NID1: variants seen among roughly 807,000 people sequenced by gnomAD.
The protein encoded by NID1 is nidogen 1, also known as nidogen-1.
NID1 carries 76 observed loss-of-function variants against 130.6 expected under a neutral mutation model. That is an observed-to-expected ratio of 0.58 (90% CI 0.48 to 0.70). The LOEUF (loss-of-function observed/expected upper bound fraction) is 0.70, where lower values mean the gene tolerates loss of function less well. NID1 is among the 30% of genes least tolerant of loss of function. The pLI is 0.00. For synonymous variants in NID1, 665 were observed against 675.1 expected (o/e 0.98, Z 0.23); for missense variants, 1,517 against 1,664.8 (o/e 0.91, Z 1.54).
intron 1 of NID1, among the ~76,000 whole-genome samples, chr1:236,057,937 G>A (rs1659941580): frequency 6.6e-6 from 1 of 152,002 alleles, no homozygotes; most frequent in African/African-American, 2.4e-5. Context: ...TTTGCAATTG[G>A]CATCTTGACC....
At chr1:236,002,623 C>T (rs1658110598) in intron 12 of NID1, among the ~76,000 whole-genome samples, 1 of 152,190 alleles carries the variant, frequency 6.6e-6, no homozygotes, top group Non-Finnish European at 1.5e-5. Flanking sequence ...AAGAGCTTTG[C>T]AGGCTGAGAG....
intron 7 of NID1, 33 bp from the exon 8 acceptor site, chr1:236,026,174 A>G (rs1658924920): frequency 4.4e-6 from 7 of 1,607,030 alleles, no homozygotes; most frequent in Non-Finnish European, 6.0e-6. Flanking sequence ...GGGACAAGGC[A>G]GGGAGACAGA....
intron 11 of NID1, among the ~76,000 whole-genome samples, chr1:236,012,727 C>A (rs1658468873): frequency 6.6e-6 from 1 of 152,106 alleles, no homozygotes; most frequent in African/African-American, 2.4e-5. Flanking sequence ...AGGCAGAAAA[C>A]CCTCAGTGAA....
chr1:235,993,689 C>A lies in NID1; in HGVS notation c.2711G>T (p.Arg904Leu). ...CCTGGTCCTGGTGCCCTCCACCTCG[C>A]GGCCGTCGCGATCCACGCACCAGCA... Reference protein sequence around the residue: ...GYCWCVDRDGREVEGTRTRPG... With the variant: ...GYCWCVDRDGLEVEGTRTRPG... Residue 904 changes from arginine (R) to leucine (L), a missense_variant, in exon 13 of 20, where the codon CGC (arginine) becomes CTC (leucine). Arg to Leu is a moderately radical substitution (Grantham distance 102). Around this residue, in one of 3 missense-constraint regions of NID1, gnomAD observed 1,329 missense variants for 1,429.2 expected, o/e 0.93. Coordinates refer to ENST00000264187, the MANE Select transcript of NID1 (RefSeq NM_002508.3). 1 of 1,590,218 alleles carries A rather than the reference C, an allele frequency of 6.3e-7. No homozygotes were observed.
At chr1:235,988,835 G>A (rs910988467) in intron 14 of NID1, among the ~76,000 whole-genome samples, 2 of 152,214 alleles carry the variant, frequency 1.3e-5, no homozygotes, top group Non-Finnish European at 2.9e-5. Flanking sequence ...AGGGCAGTAA[G>A]TAGAATCGTG....
intron 8 of NID1, 98 bp downstream of exon 8, chr1:236,025,798 T>C (rs1332090498): frequency 9.6e-6 from 14 of 1,459,006 alleles, no homozygotes; most frequent in Non-Finnish European, 1.2e-5. Flanking sequence ...CATAATTTTC[T>C]TCTACAGACT....
intron 1 of NID1, among the ~76,000 whole-genome samples, chr1:236,063,151 C>T (rs1330717001): frequency 1.3e-4 from 9 of 68,344 alleles, no homozygotes; most frequent in African/African-American, 9.3e-4. Flanking sequence ...GAGACTTCAT[C>T]TCAAAAAAAA....
intron 1 of NID1, among the ~76,000 whole-genome samples, chr1:236,052,355 G>C (rs1388166217): frequency 6.6e-6 from 1 of 152,182 alleles, no homozygotes; most frequent in African/African-American, 2.4e-5. Flanking sequence ...CAGGCACTCA[G>C]GCAGGAGGAG....
rs1047125368 is a variant in NID1, at chr1:235,979,697, C to A, written c.3509+125G>T. The A allele has an allele frequency of 3.9e-6, 4 of 1,035,990 alleles. No homozygotes were observed. In the East Asian group the frequency reaches 7.6e-5, roughly 20 times the overall value. The allele number at this position is 1,035,990 out of a possible 1,614,324, so 64.2% of individuals were successfully genotyped here. ...GAAGGATAAGGGAGAGGGGACATCT[C>A]TAGAGGGGGCATTTCTGGAGGCTCA... On this transcript the variant is annotated intron_variant, in intron 18 of 19. Transcript: ENST00000264187. The surrounding 1 kb of genome is among the most constrained non-coding windows in gnomAD (Gnocchi z 4.6).
chr1:236,058,421 A>G (rs1659950049), intron 1 of NID1, among the ~76,000 whole-genome samples: 1 of 152,150 alleles, frequency 6.6e-6, no homozygotes, highest in African/African-American at 2.4e-5. Flanking sequence ...ATTAGATCAC[A>G]AAAAAACCCA....
At chr1:236,005,608 C>A (rs1658226122) in intron 12 of NID1, among the ~76,000 whole-genome samples, 1 of 152,122 alleles carries the variant, frequency 6.6e-6, no homozygotes. Context: ...TTTAGTATTA[C>A]CCCTTCCACT....
At chr1:236,031,110 C>CT (rs1180896878) in intron 6 of NID1, among the ~76,000 whole-genome samples, 2 of 151,036 alleles carry the variant, frequency 1.3e-5, no homozygotes, top group African/African-American at 2.4e-5. Flanking sequence ...CAATCCTTTT[C>CT]TTTTTTTCTT....
At chr1:236,013,262 A>C in intron 11 of NID1, 149 bp downstream of exon 11, 2 of 808,128 alleles carry the variant, frequency 2.5e-6, no homozygotes, top group East Asian at 5.1e-5. Flanking sequence ...ACTACTAGAG[A>C]GATATAAAAA....
At chr1:236,029,441 C>T (rs1659031999) in intron 7 of NID1, 109 bp downstream of exon 7, 10 of 1,041,440 alleles carry the variant, frequency 9.6e-6, no homozygotes, top group Non-Finnish European at 9.9e-6. Flanking sequence ...CGGTGTATTT[C>T]CCTCTCCAGA....
At chr1:236,024,356 G>A (rs1179609390) in intron 8 of NID1, 143 bp from the exon 9 acceptor site, 1 of 977,024 alleles carries the variant, frequency 1.0e-6, no homozygotes, top group Non-Finnish European at 1.5e-6. Context: ...GCCAATTCCT[G>A]TGTTGCCCTG....
At chr1:236,039,592 G>A (rs1208668454) in intron 4 of NID1, among the ~76,000 whole-genome samples, 2 of 152,048 alleles carry the variant, frequency 1.3e-5, no homozygotes, top group Non-Finnish European at 2.9e-5. Context: ...TCATGAACTA[G>A]CTCATTATAT....
At chr1:235,986,944 G>A (rs1204685723) in intron 14 of NID1, among the ~76,000 whole-genome samples, 1 of 152,150 alleles carries the variant, frequency 6.6e-6, no homozygotes, top group Non-Finnish European at 1.5e-5. Context: ...GGCCCTCCAT[G>A]GCTTTAAGGA....
intron 2 of NID1, among the ~76,000 whole-genome samples, chr1:236,048,273 T>C (rs1371438230): frequency 6.6e-6 from 1 of 151,756 alleles, no homozygotes; most frequent in East Asian, 1.9e-4. Context: ...AGGCGAAGCT[T>C]GCAGTGAGCC....
At chr1:235,992,646 C>T (rs1158085477) in intron 13 of NID1, among the ~76,000 whole-genome samples, 3 of 152,184 alleles carry the variant, frequency 2.0e-5, no homozygotes, top group Non-Finnish European at 4.4e-5. Context: ...GTCTATTCAC[C>T]GTCCTTTCCG....
Sources: gnomAD v4.1 joint callset for allele counts (sites outside exome capture counted in the v4.1 genomes callset) on GRCh38, gnomAD v4.1.1 for gene constraint, gnomAD v4.1.1 regional missense constraint, Gnocchi (gnomAD v3.1) non-coding constraint, MANE v1.5 for transcripts, NCBI Gene and HGNC (gene_info 2026-07-23, HGNC 2026-07-21) for gene names.